The following DLG2 variants were observed in gnomAD, a reference collection of about 807,000 sequenced individuals.
DLG2 encodes disks large homolog 2.
DLG2 carries 45 observed loss-of-function variants against 132.5 expected under a neutral mutation model. The ratio of observed to expected loss-of-function variants is 0.34; its 90% CI spans 0.27 to 0.44. The LOEUF (loss-of-function observed/expected upper bound fraction) is 0.44, where lower values mean the gene tolerates loss of function less well. Among genes scored for constraint, DLG2 ranks in the 20% least tolerant of loss-of-function variants. The pLI is 1.00. For synonymous variants in DLG2, 424 were observed against 419.6 expected (o/e 1.01, Z -0.13); for missense variants, 1,045 against 1,196.9 (o/e 0.87, Z 1.87).
intron 17 of DLG2, among the ~76,000 whole-genome samples, chr11:83,813,827 G>C (rs755093781): frequency 6.6e-5 from 10 of 152,002 alleles, no homozygotes; most frequent in Admixed American, 1.3e-4. Flanking sequence ...AATCCTTCCA[G>C]GTGCGAAATG....
At chr11:84,203,155 C>T (rs1239456748) in intron 8 of DLG2, among the ~76,000 whole-genome samples, 2 of 152,134 alleles carry the variant, frequency 1.3e-5, no homozygotes, top group African/African-American at 4.8e-5. Flanking sequence ...GATAAAATCA[C>T]ATGCACATGT....
intron 6 of DLG2, among the ~76,000 whole-genome samples, chr11:85,006,387 T>C (rs942047268): frequency 2.0e-5 from 3 of 152,214 alleles, no homozygotes; most frequent in African/African-American, 7.2e-5. Context: ...GGCTATTAAT[T>C]ACTGCCTGAA....
At chr11:85,000,788 A>G (rs1044807054) in intron 6 of DLG2, among the ~76,000 whole-genome samples, 1 of 152,190 alleles carries the variant, frequency 6.6e-6, no homozygotes, top group African/African-American at 2.4e-5. Flanking sequence ...TTGCTTCACC[A>G]ATATGGCTCT....
intron 6 of DLG2, among the ~76,000 whole-genome samples, chr11:84,596,720 G>A (rs572145813): frequency 6.6e-6 from 1 of 152,278 alleles, no homozygotes; most frequent in South Asian, 2.1e-4. Context: ...AAGCATATGG[G>A]TGAACTAGAT....
chr11:83,645,716 C>G (rs183807174), intron 18 of DLG2: 9 of 152,174 alleles, frequency 5.9e-5, no homozygotes, highest in Admixed American at 4.6e-4. Context: ...GGGTGAGGAT[C>G]AGAAAGCTGA....
At chr11:84,162,821 T>C (rs948950327) in intron 9 of DLG2, among the ~76,000 whole-genome samples, 1 of 152,190 alleles carries the variant, frequency 6.6e-6, no homozygotes, top group Non-Finnish European at 1.5e-5. Context: ...CATTTGTTTA[T>C]TGGCTTTTTC....
chr11:84,696,777 GAGAA>G (rs1371538037), intron 6 of DLG2, among the ~76,000 whole-genome samples: 1 of 151,442 alleles, frequency 6.6e-6, no homozygotes, highest in Admixed American at 6.6e-5. Flanking sequence ...AGGAAGAAGT[GAGAA>G]AGAATGTTAA....
rs575446882 is a variant in DLG2 at position 84,556,441 on chromosome 11, C to G, written c.358-21710G>C. Among the ~76,000 whole-genome samples the G allele has an allele frequency of 3.9e-5, 6 of 152,326 alleles. No homozygotes were observed. In the East Asian group the frequency reaches 1.2e-3, roughly 29 times the overall value. On this transcript the variant is annotated intron_variant, in intron 6 of 27. Coordinates refer to ENST00000376104, the MANE Select transcript of DLG2 (RefSeq NM_001142699.3). ...TGGTTAGAGCAAGAGTATCCAGTCT[C>G]CGATCTTTTGGCTTCCCTAGGCCAC...
chr11:85,021,115 T>C, intron 6 of DLG2: 1 of 784,808 alleles, frequency 1.3e-6, no homozygotes, highest in Non-Finnish European at 2.3e-6. Flanking sequence ...GCCTGAAGAG[T>C]CATCTGCTTT....
At chr11:83,577,183 C>A (rs986160690) in intron 19 of DLG2, among the ~76,000 whole-genome samples, 1 of 151,952 alleles carries the variant, frequency 6.6e-6, no homozygotes, top group Non-Finnish European at 1.5e-5. Flanking sequence ...TTCCTGCCCT[C>A]GAACATCGGA....
chr11:84,964,964 T>A (rs1175459203), intron 6 of DLG2, among the ~76,000 whole-genome samples: 1 of 152,152 alleles, frequency 6.6e-6, no homozygotes, highest in Non-Finnish European at 1.5e-5. Flanking sequence ...ATTATTTTCA[T>A]ATCCATGTCC....
chr11:83,647,107 AG>A, intron 18 of DLG2: 1 of 152,254 alleles, frequency 6.6e-6, no homozygotes, highest in East Asian at 1.9e-4. Flanking sequence ...ATTGTTGAAT[AG>A]TGGTAAACAG....
At chr11:84,298,169 A>G (rs1370502669) in intron 7 of DLG2, among the ~76,000 whole-genome samples, 1 of 152,220 alleles carries the variant, frequency 6.6e-6, no homozygotes, top group Non-Finnish European at 1.5e-5. Context: ...TTCCTAGAAC[A>G]GGGATTCTTG....
intron 10 of DLG2, among the ~76,000 whole-genome samples, chr11:84,096,944 C>T (rs895181179): frequency 2.0e-5 from 3 of 151,400 alleles, no homozygotes; most frequent in East Asian, 1.9e-4. Context: ...TGTAAACATG[C>T]AGCTGTCAAA....
At chr11:84,660,972 A>G (rs2099693878) in intron 6 of DLG2, among the ~76,000 whole-genome samples, 1 of 152,212 alleles carries the variant, frequency 6.6e-6, no homozygotes, top group Admixed American at 6.5e-5. Flanking sequence ...AATACATTAC[A>G]GTTTAATGTG....
At chr11:85,032,982 G>A (rs1216586851) in intron 6 of DLG2, among the ~76,000 whole-genome samples, 4 of 152,116 alleles carry the variant, frequency 2.6e-5, no homozygotes, top group Admixed American at 2.6e-4. Flanking sequence ...ACAAGAAAAC[G>A]TCCTAAACTT....
chr11:83,669,370 C>T (rs916993905), intron 18 of DLG2, among the ~76,000 whole-genome samples: 2 of 152,142 alleles, frequency 1.3e-5, no homozygotes, highest in Admixed American at 6.5e-5. Flanking sequence ...TTCTAGGCTG[C>T]TGTGTCTCAT....
chr11:84,817,000 A>G (rs1183883923), intron 6 of DLG2, among the ~76,000 whole-genome samples: 1 of 151,938 alleles, frequency 6.6e-6, no homozygotes, highest in Non-Finnish European at 1.5e-5. Context: ...CCTACTTCCT[A>G]TTACATTATA....
intron 6 of DLG2, among the ~76,000 whole-genome samples, chr11:85,048,178 C>A (rs2062538310): frequency 1.3e-5 from 2 of 151,968 alleles, no homozygotes; most frequent in Admixed American, 6.6e-5. Context: ...TACTGTCAAA[C>A]TGTCAGACTA....
Sources: gnomAD v4.1 joint callset for allele counts (sites outside exome capture counted in the v4.1 genomes callset) on GRCh38, gnomAD v4.1.1 for gene constraint, MANE v1.5 for transcripts, NCBI Gene and HGNC (gene_info 2026-07-23, HGNC 2026-07-21) for gene names.